The following COL5A1 variants were observed in gnomAD, a reference collection of about 807,000 sequenced individuals.
COL5A1 encodes the protein collagen alpha-1(V) chain.
Under a neutral mutation model 263.7 loss-of-function variants are expected in COL5A1, and 16 were observed. The observed-to-expected ratio is 0.06, with a 90% confidence interval of 0.04 to 0.09. The LOEUF (loss-of-function observed/expected upper bound fraction) is 0.09. Ranked by LOEUF, COL5A1 falls within the 10% of genes least tolerant of loss-of-function variation. COL5A1 has a pLI of 1.00. For synonymous variants in COL5A1, 1,012 were observed against 1,004.5 expected, an observed-to-expected ratio of 1.01 and a Z score of -0.14; for missense variants, 2,036 against 2,540.5, an observed-to-expected ratio of 0.80 and a Z score of 4.27.
chr9:134,717,586 G>A (rs1040154093), intron 4 of COL5A1, among the ~76,000 whole-genome samples: 4 of 152,178 alleles, frequency 2.6e-5, no homozygotes, highest in African/African-American at 4.8e-5. Context: ...GCTGGGCTGC[G>A]TTTTGTATGG....
intron 9 of COL5A1, among the ~76,000 whole-genome samples, chr9:134,735,798 C>T (rs1414192248): frequency 6.6e-6 from 1 of 152,248 alleles, no homozygotes; most frequent in Non-Finnish European, 1.5e-5. Flanking sequence ...CTTGGATGAG[C>T]TCTCTGTGTA....
At position 134,780,033 on chromosome 9, in the gene COL5A1, G is replaced by A. The variant is rs570435154; in HGVS notation, c.2386-69G>A. On this transcript the variant is annotated intron_variant, in intron 27 of 65. Transcript: ENST00000371817. ...CAGCGAGCTCAGCCTGTCTTGACACGCCTGCGACAGCTCTAGAAAGGCTGA... is the reference window on the plus strand; with the variant it reads ...CAGCGAGCTCAGCCTGTCTTGACACACCTGCGACAGCTCTAGAAAGGCTGA... 161 of 1,570,590 alleles carry A rather than the reference G, an allele frequency of 1.0e-4. 2 individuals are homozygous for A. In the South Asian group the frequency reaches 1.4e-3, roughly 14 times the overall value.
intron 4 of COL5A1, among the ~76,000 whole-genome samples, chr9:134,712,654 C>T (rs931641386): frequency 7.9e-6 from 1 of 126,542 alleles, no homozygotes; most frequent in African/African-American, 3.0e-5. Flanking sequence ...CCTGTTCCCC[C>T]TCCTTCCTTA....
chr9:134,683,266 T>C (rs747285376), intron 1 of COL5A1, among the ~76,000 whole-genome samples: 1 of 152,226 alleles, frequency 6.6e-6, no homozygotes, highest in Non-Finnish European at 1.5e-5. Context: ...AGGAAACCTG[T>C]GTGGCCATCC....
intron 64 of COL5A1, 136 bp from the exon 65 acceptor site, chr9:134,834,835 T>C (rs779055106): frequency 1.0e-5 from 7 of 688,078 alleles, no homozygotes; most frequent in Non-Finnish European, 1.8e-5. Context: ...CGGCCGGGTC[T>C]GTGGGTACAG....
chr9:134,715,490 G>A (rs1360429608), intron 4 of COL5A1, among the ~76,000 whole-genome samples: 2 of 152,066 alleles, frequency 1.3e-5, no homozygotes, highest in Non-Finnish European at 2.9e-5. Context: ...TCAGTCTGGG[G>A]GATGGTCAAG....
chr9:134,651,182 C>T (rs1831669198), intron 1 of COL5A1, among the ~76,000 whole-genome samples: 1 of 152,228 alleles, frequency 6.6e-6, no homozygotes, highest in African/African-American at 2.4e-5. Context: ...CTTTCAGATG[C>T]ATAAAAATGC....
chr9:134,782,787 T>C (rs928426615), intron 29 of COL5A1, 67 bp downstream of exon 29: 1 of 916,858 alleles, frequency 1.1e-6, no homozygotes, highest in Non-Finnish European at 1.7e-6. Flanking sequence ...TGGGAGGGGG[T>C]GGGGATGTTT....
chr9:134,676,986 C>T (rs920650585), intron 1 of COL5A1, among the ~76,000 whole-genome samples: 8 of 152,212 alleles, frequency 5.3e-5, no homozygotes, highest in Non-Finnish European at 7.3e-5. Flanking sequence ...AAGGAGCTCA[C>T]GGTCTGGGAA....
At chr9:134,831,993 A>G (rs1470343752) in intron 64 of COL5A1, among the ~76,000 whole-genome samples, 1 of 152,202 alleles carries the variant, frequency 6.6e-6, no homozygotes, top group Non-Finnish European at 1.5e-5. Context: ...AGCCAGGTGC[A>G]GGGGCTCATG....
chr9:134,665,077 T>C (rs1051959570), intron 1 of COL5A1, among the ~76,000 whole-genome samples: 3 of 152,116 alleles, frequency 2.0e-5, no homozygotes, highest in African/African-American at 7.2e-5. Context: ...CGGGCGTCTG[T>C]AATCCCAGCT....
chr9:134,749,959 C>T (rs987158457), intron 11 of COL5A1, among the ~76,000 whole-genome samples: 10 of 152,222 alleles, frequency 6.6e-5, no homozygotes, highest in African/African-American at 1.9e-4. Context: ...GAGGAGGGCA[C>T]TGTGTCGTTT....
intron 64 of COL5A1, among the ~76,000 whole-genome samples, chr9:134,834,616 A>G (rs1373160278): frequency 6.6e-6 from 1 of 152,200 alleles, no homozygotes; most frequent in Non-Finnish European, 1.5e-5. Flanking sequence ...AGACACTGTG[A>G]CAAACTAAGG....
chr9:134,701,443 A>G, intron 4 of COL5A1, 110 bp downstream of exon 4: 1 of 1,052,432 alleles, frequency 9.5e-7, no homozygotes, highest in South Asian at 1.4e-5. Context: ...CTGGCGGTCC[A>G]CTGTGGTCAC....
intron 1 of COL5A1, among the ~76,000 whole-genome samples, chr9:134,655,226 TA>T (rs1184173604): frequency 1.3e-5 from 2 of 151,910 alleles, no homozygotes; most frequent in East Asian, 3.9e-4. Flanking sequence ...AGGGCTGGTT[TA>T]TCCGAATGCA....
chr9:134,679,220 C>T (rs1832762188), intron 1 of COL5A1, among the ~76,000 whole-genome samples: 1 of 152,136 alleles, frequency 6.6e-6, no homozygotes, highest in Non-Finnish European at 1.5e-5. Flanking sequence ...CGCAGTCCCT[C>T]CCCGATCTGT....
At chr9:134,654,244 TGGG>T (rs1286769139) in intron 1 of COL5A1, among the ~76,000 whole-genome samples, 1 of 129,180 alleles carries the variant, frequency 7.7e-6, no homozygotes, top group Admixed American at 7.9e-5. Context: ...TGTGTAGGGC[TGGG>T]GGTGTTTTGG....
In COL5A1 at chr9:134,686,238, C is replaced by T. The variant is rs1355316812; in HGVS notation, c.110-4674C>T. Among the ~76,000 whole-genome samples, 1 of 152,052 alleles carries T rather than the reference C, an allele frequency of 6.6e-6. No individual in the cohort carries two copies. The highest frequency in any genetic ancestry group is 2.4e-5 in the African/African-American group (1 of 41,396). On this transcript the variant is annotated intron_variant, in intron 1 of 65. Coordinates refer to ENST00000371817, the MANE Select transcript of COL5A1 (RefSeq NM_000093.5). This position sits in a 1 kb window ranked among gnomAD's most constrained non-coding sequence, Gnocchi z 4.6. ...TCCTTCTTCCTTCCTCCTTCTCCTT[C>T]TCCTTTTTCTTCTTCTTTCTCTTCC...
intron 4 of COL5A1, among the ~76,000 whole-genome samples, chr9:134,713,093 T>A (rs1674290852): frequency 6.6e-6 from 1 of 152,242 alleles, no homozygotes; most frequent in African/African-American, 2.4e-5. Context: ...GAAATACTTT[T>A]TGGAGCTGAG....
Sources: allele counts gnomAD v4.1 joint callset (sites outside exome capture counted in the v4.1 genomes callset), GRCh38; gene constraint gnomAD v4.1.1; non-coding constraint Gnocchi (gnomAD v3.1); transcripts MANE v1.5; gene names NCBI Gene and HGNC (gene_info 2026-07-23, HGNC 2026-07-21).